KCNQ1: variants seen among roughly 807,000 people sequenced by gnomAD.
KCNQ1 encodes potassium voltage-gated channel subfamily KQT member 1.
KCNQ1 carries 49 observed loss-of-function variants against 72.4 expected under a neutral mutation model. The observed-to-expected ratio is 0.68, with a 90% CI of 0.54 to 0.86. The LOEUF (loss-of-function observed/expected upper bound fraction) is 0.86. KCNQ1 is among the 40% of genes least tolerant of loss of function. KCNQ1 has a pLI of 0.00. For missense variants in KCNQ1, 790 were observed against 945.1 expected (o/e 0.84, Z 2.15); for synonymous variants, 450 against 412.6 (o/e 1.09, Z -1.10).
Position 2,545,557 on chromosome 11 carries a change from C to T in KCNQ1, c.477+17539C>T, listed in dbSNP as rs987887012. Among the ~76,000 whole-genome samples the T allele has an allele frequency of 8.6e-5, 13 of 152,004 alleles. No homozygotes were observed. The South Asian group carries it at 1.0e-3, about 12-fold the overall frequency. Reference sequence around the variant, plus strand: ...TATTCAGGTGATTGATAATTATATTCAGGTGATTGATAATAGTTATAGTCA... The same window carrying T: ...TATTCAGGTGATTGATAATTATATTTAGGTGATTGATAATAGTTATAGTCA... On this transcript the variant is annotated intron_variant, in intron 2 of 15. Coordinates refer to ENST00000155840, the MANE Select transcript of KCNQ1 (RefSeq NM_000218.3).
chr11:2,649,986 A>G, intron 10 of KCNQ1: 1 of 398,278 alleles, frequency 2.5e-6, no homozygotes, highest in Non-Finnish European at 4.4e-6. Flanking sequence ...ATTCTTTTTT[A>G]TTGTTATTTT....
chr11:2,838,377 C>T (rs1182135926), intron 15 of KCNQ1, among the ~76,000 whole-genome samples: 1 of 152,088 alleles, frequency 6.6e-6, no homozygotes, highest in Non-Finnish European at 1.5e-5. Context: ...AGAGTGAGGC[C>T]AGGGATGGGG....
chr11:2,835,338 C>T (rs1268984247), intron 15 of KCNQ1, among the ~76,000 whole-genome samples: 2 of 152,108 alleles, frequency 1.3e-5, no homozygotes. Context: ...TCCCATATTC[C>T]TCACACCCAG....
intron 11 of KCNQ1, chr11:2,672,430 C>T: frequency 5.0e-6 from 2 of 398,574 alleles, no homozygotes; most frequent in Non-Finnish European, 8.8e-6. Flanking sequence ...ACAGTCCACC[C>T]CAGGGGCTCT....
chr11:2,509,722 C>T lies in KCNQ1; in HGVS notation c.387-18206C>T, dbSNP rs915343587. On this transcript the variant is annotated intron_variant, in intron 1 of 15. Coordinates refer to ENST00000155840, the MANE Select transcript of KCNQ1 (RefSeq NM_000218.3). This position sits in a 1 kb window ranked among gnomAD's most constrained non-coding sequence, Gnocchi z 6.3. ...AACTGTCTGGGACTGGGCCAGGAGA[C>T]AGTCCTGGGATAGGGAAAGAAAAGA... 6.6e-5 allele frequency among the ~76,000 whole-genome samples: 10 copies of T among 151,996 alleles called. No individual in the cohort carries two copies. Among genetic ancestry groups the T allele is most frequent in the African/African-American group, 2.4e-4 (10 of 41,362 alleles).
chr11:2,716,606 G>A (rs1023035761), intron 11 of KCNQ1, among the ~76,000 whole-genome samples: 2 of 152,220 alleles, frequency 1.3e-5, no homozygotes, highest in Admixed American at 1.3e-4. Flanking sequence ...GGGCCTGGTG[G>A]AATTCCATTC....
intron 15 of KCNQ1, among the ~76,000 whole-genome samples, chr11:2,806,064 A>G (rs1847366130): frequency 6.6e-6 from 1 of 152,196 alleles, no homozygotes; most frequent in Admixed American, 6.5e-5. Context: ...ACCCAGGAAA[A>G]TGCCCCATGT....
intron 11 of KCNQ1, among the ~76,000 whole-genome samples, chr11:2,756,521 A>T (rs1233023382): frequency 6.6e-6 from 1 of 151,666 alleles, no homozygotes; most frequent in African/African-American, 2.4e-5. Context: ...CAAGGGAGAG[A>T]GGAACACAGG....
At position 2,560,103 on chromosome 11, in the gene KCNQ1, G is replaced by A. The variant is rs528516241; in HGVS notation, c.478-10525G>A. On this transcript the variant is annotated intron_variant, in intron 2 of 15. Coordinates refer to ENST00000155840, the MANE Select transcript of KCNQ1 (RefSeq NM_000218.3). ...TCAGCCATGGGGGGCCGTGACATCC[G>A]GTCAGGAGGGGGTTAGCATCTCAGA... 2.7e-3 allele frequency among the ~76,000 whole-genome samples: 345 copies of A among 129,778 alleles called. 4 individuals carry two copies. The highest frequency in any genetic ancestry group is 9.6e-3 in the African/African-American group (326 of 34,056). 85.1% of individuals were successfully genotyped at this position (129,778 alleles called of 152,430 possible).
rs1355769848 is a variant in KCNQ1 at position 2,549,477 on chromosome 11, GC to G, written c.478-21148del. Among the ~76,000 whole-genome samples the G allele has an allele frequency of 1.3e-5, 2 of 152,208 alleles. No homozygotes were observed. The highest frequency in any genetic ancestry group is 4.8e-5 in the African/African-American group (2 of 41,458). On this transcript the variant is annotated intron_variant, in intron 2 of 15. Transcript: ENST00000155840. The surrounding 1 kb of genome is among the most constrained non-coding windows in gnomAD (Gnocchi z 6.2). ...AGCGATGGAACCCAGAAGACATGGG[GC>G]CCTCGAGGAGGGTCCCCCGGGGGCT... is the stretch of plus-strand genomic sequence containing the variant.
intron 11 of KCNQ1, chr11:2,662,988 G>A: frequency 5.0e-6 from 2 of 398,790 alleles, no homozygotes; most frequent in Non-Finnish European, 4.4e-6. Context: ...CAGGTGCAAG[G>A]CCTGGCCTTG....
At chr11:2,534,477 A>G (rs1163766034) in intron 2 of KCNQ1, among the ~76,000 whole-genome samples, 1 of 152,208 alleles carries the variant, frequency 6.6e-6, no homozygotes, top group Non-Finnish European at 1.5e-5. Flanking sequence ...CTCCCTCTGC[A>G]GCTGCCGCCC....
In KCNQ1 at chr11:2,632,776, A is replaced by T. The variant is rs140132874; in HGVS notation, c.1394-29185A>T. 2.7e-4 allele frequency: 109 copies of T among 398,414 alleles called. 1 individual carries two copies. The East Asian group carries it at 3.9e-3, about 14-fold the overall frequency. 24.7% of individuals were successfully genotyped at this position (398,414 alleles called of 1,614,324 possible). On this transcript the variant is annotated intron_variant, in intron 10 of 15. Transcript: ENST00000155840. ...CTTAATGCTTTATTATGACTGAATA[A>T]TATTCCATTGTGTATACATACCACA...
Position 2,571,377 on chromosome 11 carries a change from G to T in KCNQ1, c.657G>T (p.Gly219=). 3 of 1,612,730 alleles carry T rather than the reference G, an allele frequency of 1.9e-6. No homozygotes were observed. The change falls in exon 4 of 16, where the codon GGG becomes GGT. Residue 219 remains glycine, a synonymous_variant. Coordinates refer to ENST00000155840, the MANE Select transcript of KCNQ1 (RefSeq NM_000218.3). ...TGGTCCTCTGCGTGGGCTCCAAGGGGCAGGTGTTTGCCACGTCGGCCATCA... is the reference window on the plus strand; with the variant it reads ...TGGTCCTCTGCGTGGGCTCCAAGGGTCAGGTGTTTGCCACGTCGGCCATCA... ...SMVVLCVGSK[G]QVFATSAIRG... is the part of the protein sequence containing the mutation.
chr11:2,800,804 T>C (rs1031031884), intron 15 of KCNQ1, among the ~76,000 whole-genome samples: 2 of 152,158 alleles, frequency 1.3e-5, no homozygotes, highest in African/African-American at 2.4e-5. Flanking sequence ...TGCTGTCCAC[T>C]CAGTGACCAT....
At position 2,599,144 on chromosome 11, in the gene KCNQ1, A is replaced by G. The variant is rs1848768131; in HGVS notation, c.1393+10290A>G. ...CCCCTCCTCTCTGTTACCTATGTTG[A>G]TAATCTAGGATTTGTTGTCTTACAT... On this transcript the variant is annotated intron_variant, in intron 10 of 15. Transcript: ENST00000155840. This position sits in a 1 kb window ranked among gnomAD's most constrained non-coding sequence, Gnocchi z 4.7. Among the ~76,000 whole-genome samples the G allele has an allele frequency of 6.6e-6, 1 of 152,142 alleles. No homozygotes were observed.
chr11:2,612,721 A>G lies in KCNQ1; in HGVS notation c.1393+23867A>G, dbSNP rs750950403. Reference sequence around the variant, plus strand: ...ACTTACTTTGAAATCGCGCCCTAACATTTGGGGCCCTTCAGAGATAATTCC... The same window carrying G: ...ACTTACTTTGAAATCGCGCCCTAACGTTTGGGGCCCTTCAGAGATAATTCC... On this transcript the variant is annotated intron_variant, in intron 10 of 15. Transcript: ENST00000155840. This position sits in a 1 kb window ranked among gnomAD's most constrained non-coding sequence, Gnocchi z 5.5. The G allele has an allele frequency of 2.5e-6, 1 of 398,382 alleles. No individual in the cohort carries two copies. Among genetic ancestry groups the G allele is most frequent in the Non-Finnish European group, 4.4e-6 (1 of 226,046 alleles). 24.7% of individuals were successfully genotyped at this position (398,382 alleles called of 1,614,324 possible).
intron 15 of KCNQ1, among the ~76,000 whole-genome samples, chr11:2,799,506 G>C (rs116112422): frequency 6.6e-6 from 1 of 151,764 alleles, no homozygotes; most frequent in African/African-American, 2.4e-5. Flanking sequence ...GTTGTATGTG[G>C]TGTGTCTTCT....
intron 1 of KCNQ1, among the ~76,000 whole-genome samples, chr11:2,466,548 C>T (rs1311279820): frequency 6.6e-6 from 1 of 152,154 alleles, no homozygotes; most frequent in African/African-American, 2.4e-5. Context: ...GTTCAAGATG[C>T]TATCACTGAC....
Sources: allele counts gnomAD v4.1 joint callset (sites outside exome capture counted in the v4.1 genomes callset), GRCh38; gene constraint gnomAD v4.1.1; non-coding constraint Gnocchi (gnomAD v3.1); transcripts MANE v1.5; gene names NCBI Gene and HGNC (gene_info 2026-07-23, HGNC 2026-07-21).